RAD51: variants seen among roughly 807,000 people sequenced by gnomAD.
RAD51 encodes RAD51 recombinase.
In RAD51, 14 loss-of-function variants were observed where a neutral mutation model predicts 41.5. The observed-to-expected ratio is 0.34, with a 90% CI of 0.22 to 0.53. The LOEUF (loss-of-function observed/expected upper bound fraction) is 0.53. Among genes scored for constraint, RAD51 ranks in the 20% least tolerant of loss-of-function variants. The pLI, the probability that RAD51 is intolerant of heterozygous loss-of-function variation, is 0.95. For synonymous variants in RAD51, 136 were observed against 148.6 expected (o/e 0.92, Z 0.62); for missense variants, 234 against 422.0 (o/e 0.55, Z 3.90).
At chr15:40,729,050 G>A (rs781656430) in intron 7 of RAD51, among the ~76,000 whole-genome samples, 3 of 152,126 alleles carry the variant, frequency 2.0e-5, no homozygotes, top group Admixed American at 1.3e-4. Context: ...TGCCTCAGAT[G>A]TTAGTACTGT....
At chr15:40,717,821 T>A (rs1896062931) in intron 5 of RAD51, among the ~76,000 whole-genome samples, 1 of 152,220 alleles carries the variant, frequency 6.6e-6, no homozygotes. Context: ...GATATAGACA[T>A]GCTAAAATTA....
At chr15:40,716,663 T>A (rs1433324460) in intron 5 of RAD51, among the ~76,000 whole-genome samples, 2 of 142,730 alleles carry the variant, frequency 1.4e-5, no homozygotes, top group African/African-American at 5.2e-5. Context: ...ACTTCTTTTT[T>A]TTTTTTTTTT....
chr15:40,701,188 C>T lies in RAD51; in HGVS notation c.212C>T (p.Ala71Val), dbSNP rs1894965579. The change falls in exon 3 of 10, where the codon GCT (alanine) becomes GTT (valine). Residue 71 changes from alanine to valine, a missense_variant. Coordinates refer to ENST00000267868, the MANE Select transcript of RAD51 (RefSeq NM_002875.5). ...ATTAAGGGAATTAGTGAAGCCAAAG[C>T]TGATAAAATTCTGGTAAGTACTGCT... Reference protein sequence around the residue: ...INIKGISEAKADKILAEAAKL... With the variant: ...INIKGISEAKVDKILAEAAKL... 2 of 1,614,080 alleles carry T rather than the reference C, an allele frequency of 1.2e-6. No homozygotes were observed. The highest frequency in any genetic ancestry group is 1.7e-6 in the Non-Finnish European group (2 of 1,180,010).
At chr15:40,714,613 C>CT (rs897482775) in intron 5 of RAD51, among the ~76,000 whole-genome samples, 10 of 152,052 alleles carry the variant, frequency 6.6e-5, no homozygotes, top group East Asian at 1.9e-4. Context: ...AGATCGTTGA[C>CT]TTTTTTTAAA....
At chr15:40,703,571 A>G (rs45490996) in intron 3 of RAD51, among the ~76,000 whole-genome samples, 1,874 of 152,066 alleles carry the variant, frequency 0.012, 22 homozygotes, top group Middle Eastern at 0.031. Context: ...TCTTTCTAAG[A>G]ATTTGCTTAT....
At position 40,722,224 on chromosome 15, in the gene RAD51, C is replaced by T. The variant is rs375303447; in HGVS notation, c.530+3325C>T. On this transcript the variant is annotated intron_variant, in intron 6 of 9. Transcript: ENST00000267868. ...GTCAGGAGTTTGAGACCAGCCTGGCCAACATGGTGAATCCCCGTCACTACT... is the reference window on the plus strand; with the variant it reads ...GTCAGGAGTTTGAGACCAGCCTGGCTAACATGGTGAATCCCCGTCACTACT... Among the ~76,000 whole-genome samples the T allele has an allele frequency of 1.3e-4, 20 of 152,086 alleles. No homozygotes were observed. In the East Asian group the frequency reaches 3.5e-3, roughly 26 times the overall value.
chr15:40,718,819 G>C lies in RAD51; in HGVS notation c.450G>C (p.Arg150=), dbSNP rs536019921. ...GTTCTCTATAGCTTCCCATTGACCG[G>C]GGTGGAGGTGAAGGAAAGGCCATGT... ...LAVTCQLPID[R]GGGEGKAMYI... Residue 150 remains arginine (R), a synonymous_variant, in exon 6 of 10, where the codon CGG becomes CGC. Coordinates refer to ENST00000267868, the MANE Select transcript of RAD51 (RefSeq NM_002875.5). The C allele has an allele frequency of 6.2e-7, 1 of 1,611,672 alleles. No homozygotes were observed. The highest frequency in any genetic ancestry group is 1.1e-5 in the South Asian group (1 of 91,030).
At chr15:40,730,984 C>CT (rs756742777) in intron 9 of RAD51, 71 bp from the exon 10 acceptor site, 346 of 1,602,674 alleles carry the variant, frequency 2.2e-4, no homozygotes, top group Non-Finnish European at 2.8e-4. Context: ...ATTTTCAGCT[C>CT]TGTTACAAAG....
At position 40,714,233 on chromosome 15, in the gene RAD51, A is replaced by G. The variant is rs117524199; in HGVS notation, c.436-4572A>G. On this transcript the variant is annotated intron_variant, in intron 5 of 9. Coordinates refer to ENST00000267868, the MANE Select transcript of RAD51 (RefSeq NM_002875.5). ...AGGAAACATTGAGAAGAGGAAGAGT[A>G]AGTTATAGAAGCTATAGCTATTGCG... Among the ~76,000 whole-genome samples the G allele has an allele frequency of 5.4e-3, 821 of 152,238 alleles. 3 individuals carry two copies. The highest frequency in any genetic ancestry group is 9.4e-3 in the Non-Finnish European group (642 of 68,000).
At chr15:40,703,585 A>G (rs1255204139) in intron 3 of RAD51, among the ~76,000 whole-genome samples, 1 of 152,100 alleles carries the variant, frequency 6.6e-6, no homozygotes, top group African/African-American at 2.4e-5. Flanking sequence ...TGCTTATTTC[A>G]TCTAAGTTAC....
chr15:40,710,897 C>T (rs898363937), intron 5 of RAD51, among the ~76,000 whole-genome samples: 6 of 152,172 alleles, frequency 3.9e-5, no homozygotes, highest in African/African-American at 1.2e-4. Context: ...ATGAGATTAT[C>T]CTCATCAGTA....
intron 1 of RAD51, among the ~76,000 whole-genome samples, chr15:40,697,574 C>CTTTTTTTTTTTTTTTTTTTTTT (rs11340353): frequency 1.9e-5 from 2 of 105,516 alleles, no homozygotes; most frequent in Non-Finnish European, 3.7e-5. Context: ...GATGATATTT[C>CTTTTTTTTTTTTTTTTTTTTTT]TTTTTTTTTT....
intron 2 of RAD51, among the ~76,000 whole-genome samples, chr15:40,699,268 C>T (rs1894839654): frequency 1.3e-5 from 2 of 152,172 alleles, no homozygotes; most frequent in South Asian, 4.1e-4. Flanking sequence ...CTCAGCCTCC[C>T]AAGTAGCTGG....
intron 6 of RAD51, among the ~76,000 whole-genome samples, chr15:40,723,024 A>C (rs1896361627): frequency 6.6e-6 from 1 of 152,236 alleles, no homozygotes; most frequent in Non-Finnish European, 1.5e-5. Flanking sequence ...AAGATAACCC[A>C]GTTGTTTAAA....
At chr15:40,707,179 G>A (rs1169584588) in intron 4 of RAD51, among the ~76,000 whole-genome samples, 3 of 92,292 alleles carry the variant, frequency 3.3e-5, no homozygotes, top group Non-Finnish European at 6.4e-5. Flanking sequence ...TTTTTTTTGA[G>A]TCGGGGCATC....
intron 5 of RAD51, among the ~76,000 whole-genome samples, chr15:40,718,041 G>C (rs1896071280): frequency 1.3e-5 from 2 of 150,954 alleles, no homozygotes; most frequent in South Asian, 4.2e-4. Flanking sequence ...AGACCAGCCT[G>C]GGCAATGTGG....
At chr15:40,702,874 A>G (rs1408516873) in intron 3 of RAD51, among the ~76,000 whole-genome samples, 6 of 149,972 alleles carry the variant, frequency 4.0e-5, no homozygotes, top group Non-Finnish European at 8.8e-5. Context: ...CCCAGGCTGG[A>G]GTGCAGTGGC....
At chr15:40,697,181 ACCTCCG>A (rs1894695347) in intron 1 of RAD51, among the ~76,000 whole-genome samples, 1 of 151,840 alleles carries the variant, frequency 6.6e-6, no homozygotes, top group Non-Finnish European at 1.5e-5. Context: ...GCTCACCGCA[ACCTCCG>A]CCTCCCGGGT....
intron 3 of RAD51, among the ~76,000 whole-genome samples, chr15:40,704,389 T>C (rs1277507173): frequency 7.3e-6 from 1 of 136,078 alleles, no homozygotes; most frequent in Non-Finnish European, 1.6e-5. Context: ...TCTGATGCAG[T>C]CTCACTCTCT....
Sources: gnomAD v4.1 joint callset for allele counts (sites outside exome capture counted in the v4.1 genomes callset) on GRCh38, gnomAD v4.1.1 for gene constraint, MANE v1.5 for transcripts, NCBI Gene and HGNC (gene_info 2026-07-23, HGNC 2026-07-21) for gene names.